TTLL7: variants seen among roughly 807,000 people sequenced by gnomAD.
TTLL7 encodes the protein tubulin tyrosine ligase like 7, also known as tubulin polyglutamylase TTLL7.
In TTLL7, 53 loss-of-function variants were observed where a neutral mutation model predicts 120.2. The ratio of observed to expected loss-of-function variants is 0.44; its 90% CI spans 0.35 to 0.55. The LOEUF (loss-of-function observed/expected upper bound fraction) is 0.55, where lower values mean the gene tolerates loss of function less well. TTLL7 is among the 20% of genes least tolerant of loss of function. The probability of loss-of-function intolerance (pLI) is 0.00; values close to 1 mark genes in which losing one functional copy is unlikely to be tolerated. For synonymous variants in TTLL7, 353 were observed against 351.7 expected, an observed-to-expected ratio of 1.00 and a Z score of -0.04; for missense variants, 803 against 1,054.7, an observed-to-expected ratio of 0.76 and a Z score of 3.31.
intron 18 of TTLL7, among the ~76,000 whole-genome samples, chr1:83,900,769 T>C (rs576542533): frequency 1.3e-5 from 2 of 152,152 alleles, no homozygotes; most frequent in East Asian, 3.9e-4. Flanking sequence ...TATGAACATG[T>C]CATTTTAATA....
chr1:83,936,991 TG>T (rs1647453201), intron 8 of TTLL7, among the ~76,000 whole-genome samples: 1 of 152,116 alleles, frequency 6.6e-6, no homozygotes, highest in Admixed American at 6.6e-5. Flanking sequence ...ATTTATGGCC[TG>T]TGATATATAG....
At chr1:83,927,352 T>C (rs571057812) in intron 10 of TTLL7, among the ~76,000 whole-genome samples, 28 of 152,142 alleles carry the variant, frequency 1.8e-4, no homozygotes, top group Non-Finnish European at 2.5e-4. Flanking sequence ...CCATATACTA[T>C]GCAGACAAAA....
chr1:83,951,819 C>T, intron 3 of TTLL7, 26 bp downstream of exon 3: 1 of 1,587,422 alleles, frequency 6.3e-7, no homozygotes, highest in South Asian at 1.2e-5. Flanking sequence ...TATGAGAATC[C>T]CATGATTGCT....
At chr1:83,872,541 C>T (rs187180347) in intron 20 of TTLL7, among the ~76,000 whole-genome samples, 1 of 152,318 alleles carries the variant, frequency 6.6e-6, no homozygotes, top group African/African-American at 2.4e-5. Flanking sequence ...CTACCTTCTA[C>T]TGAAAATACA....
intron 15 of TTLL7, among the ~76,000 whole-genome samples, chr1:83,909,262 T>C (rs1657475064): frequency 7.5e-6 from 1 of 132,810 alleles, no homozygotes; most frequent in African/African-American, 2.7e-5. Flanking sequence ...GATTACTTTT[T>C]TTTTTCCTTT....
chr1:83,896,030 A>T (rs1454814330), intron 18 of TTLL7, among the ~76,000 whole-genome samples: 9 of 152,126 alleles, frequency 5.9e-5, no homozygotes, highest in Non-Finnish European at 2.9e-5. Context: ...CAGACCAGGC[A>T]GGCAAGAAAT....
At chr1:83,870,472 C>A (rs527921127) in intron 20 of TTLL7, among the ~76,000 whole-genome samples, 1 of 152,010 alleles carries the variant, frequency 6.6e-6, no homozygotes, top group Admixed American at 6.6e-5. Flanking sequence ...TCAAGGGAGG[C>A]GGAACCACTG....
intron 1 of TTLL7, among the ~76,000 whole-genome samples, chr1:83,953,712 TAAAC>T (rs759737902): frequency 7.2e-5 from 11 of 152,164 alleles, no homozygotes; most frequent in African/African-American, 1.2e-4. Flanking sequence ...CTAGATAAGT[TAAAC>T]AAATCAAGGT....
chr1:83,946,846 G>GA (rs151167987), intron 6 of TTLL7, among the ~76,000 whole-genome samples: 6,322 of 151,916 alleles, frequency 0.042, 157 homozygotes, highest in Middle Eastern at 0.099. Flanking sequence ...TTATGTTTTA[G>GA]AAAAAAACAG....
At chr1:83,973,770 A>C (rs887035585) in intron 1 of TTLL7, among the ~76,000 whole-genome samples, 7 of 151,974 alleles carry the variant, frequency 4.6e-5, no homozygotes, top group African/African-American at 1.7e-4. Flanking sequence ...CCTTATATAG[A>C]TCTTATACAT....
chr1:83,925,732 C>T (rs898711058), intron 10 of TTLL7, among the ~76,000 whole-genome samples: 3 of 152,150 alleles, frequency 2.0e-5, no homozygotes, highest in African/African-American at 7.2e-5. Context: ...TATCTATGAG[C>T]ATATATATTT....
intron 18 of TTLL7, among the ~76,000 whole-genome samples, chr1:83,890,721 C>T (rs2100726370): frequency 6.6e-6 from 1 of 152,026 alleles, no homozygotes; most frequent in East Asian, 1.9e-4. Context: ...ATGCAGTAAG[C>T]CATGATCAAA....
rs989235862 is a variant in TTLL7 at position 83,956,526 on chromosome 1, C to T, written c.-176-4139G>A. ...CACTGCAACCTCCGCCTCCCGGGTTCAAGTGATTCGCCTGCCTCAGCCTCC... is the reference window on the plus strand; with the variant it reads ...CACTGCAACCTCCGCCTCCCGGGTTTAAGTGATTCGCCTGCCTCAGCCTCC... On this transcript the variant is annotated intron_variant, in intron 1 of 20. Coordinates refer to ENST00000260505, the MANE Select transcript of TTLL7 (RefSeq NM_024686.6). Among the ~76,000 whole-genome samples, 38 of 151,218 alleles carry T rather than the reference C, an allele frequency of 2.5e-4. 1 individual carries two copies. In the East Asian group the frequency reaches 4.5e-3, roughly 18 times the overall value.
intron 10 of TTLL7, among the ~76,000 whole-genome samples, chr1:83,927,663 T>A (rs1355886732): frequency 6.6e-6 from 1 of 152,174 alleles, no homozygotes; most frequent in African/African-American, 2.4e-5. Flanking sequence ...AGCAGAAAGA[T>A]AACATAATGA....
intron 2 of TTLL7, 25 bp from the exon 3 acceptor site, chr1:83,952,001 G>T (rs1363073507): frequency 1.3e-6 from 2 of 1,594,246 alleles, no homozygotes; most frequent in East Asian, 2.2e-5. Flanking sequence ...AAAATAATCA[G>T]ATAACACTGA....
chr1:83,971,050 G>A lies in TTLL7; in HGVS notation c.-176-18663C>T, dbSNP rs1650928072. Among the ~76,000 whole-genome samples the A allele has an allele frequency of 3.3e-5, 5 of 152,134 alleles. No individual in the cohort carries two copies. The South Asian group carries it at 1.0e-3, about 32-fold the overall frequency. On this transcript the variant is annotated intron_variant, in intron 1 of 20. Transcript: ENST00000260505. ...ACGCCTGGAAAAGCAAAGGCCTGCAGACTCAAGGCTCCCAGAAGAGTTCTT... is the reference window on the plus strand; with the variant it reads ...ACGCCTGGAAAAGCAAAGGCCTGCAAACTCAAGGCTCCCAGAAGAGTTCTT...
chr1:83,895,083 C>T (rs1247103060), intron 18 of TTLL7, among the ~76,000 whole-genome samples: 1 of 152,056 alleles, frequency 6.6e-6, no homozygotes, highest in Non-Finnish European at 1.5e-5. Flanking sequence ...CTAAGGAAAA[C>T]TTTACCTGCC....
chr1:83,955,481 C>T (rs1349469449), intron 1 of TTLL7, among the ~76,000 whole-genome samples: 2 of 152,122 alleles, frequency 1.3e-5, no homozygotes, highest in Non-Finnish European at 2.9e-5. Context: ...TTCACACAAC[C>T]TTTCCATCCC....
intron 8 of TTLL7, among the ~76,000 whole-genome samples, chr1:83,935,461 T>C (rs908394010): frequency 3.9e-5 from 6 of 152,032 alleles, no homozygotes; most frequent in Non-Finnish European, 8.8e-5. Flanking sequence ...TTTTTGAGAA[T>C]TTACAACATA....
Sources: allele counts gnomAD v4.1 joint callset (sites outside exome capture counted in the v4.1 genomes callset), GRCh38; gene constraint gnomAD v4.1.1; transcripts MANE v1.5; gene names NCBI Gene and HGNC (gene_info 2026-07-23, HGNC 2026-07-21).